The following LRRC39 variants were observed in gnomAD, a reference collection of about 807,000 sequenced individuals.
LRRC39 encodes the protein leucine-rich repeat-containing protein 39.
In LRRC39, 35 loss-of-function variants were observed where a neutral mutation model predicts 39.7. The observed-to-expected ratio is 0.88, with a 90% CI of 0.67 to 1.17. The LOEUF (loss-of-function observed/expected upper bound fraction) is 1.17. Among genes scored for constraint, LRRC39 ranks in the 50% most tolerant of loss-of-function variants. LRRC39 has a pLI of 0.00. For synonymous variants in LRRC39, 113 were observed against 134.1 expected, an observed-to-expected ratio of 0.84 and a Z score of 1.09; for missense variants, 357 against 385.8, an observed-to-expected ratio of 0.93 and a Z score of 0.62.
At chr1:100,178,304 A>G (rs1660086620), upstream of LRRC39, 1 of 152,248 alleles carries the variant, frequency 6.6e-6, no homozygotes, top group South Asian at 2.1e-4. Flanking sequence ...AATAGAAAGA[A>G]TCACATGAGG....
chr1:100,162,302 G>A (rs1234974212), intron 3 of LRRC39, among the ~76,000 whole-genome samples: 1 of 152,034 alleles, frequency 6.6e-6, no homozygotes, highest in Non-Finnish European at 1.5e-5. Context: ...CATTCCTGTT[G>A]ATTTTTGATC....
intron 7 of LRRC39, 88 bp from the exon 8 acceptor site, chr1:100,155,291 G>T (rs1190650578): frequency 2.5e-6 from 3 of 1,176,852 alleles, no homozygotes; most frequent in Non-Finnish European, 3.4e-6. Context: ...AGAGGTAGGG[G>T]TCTTATCATG....
chr1:100,154,062 C>CT (rs550683060), intron 8 of LRRC39, among the ~76,000 whole-genome samples: 57 of 143,148 alleles, frequency 4.0e-4, no homozygotes, highest in East Asian at 6.1e-4. Context: ...GAGGACATTT[C>CT]TTTTTTTTTT....
intron 3 of LRRC39, 86 bp from the exon 4 acceptor site, chr1:100,160,657 C>A: frequency 6.4e-6 from 7 of 1,101,404 alleles, no homozygotes; most frequent in Non-Finnish European, 7.9e-6. Context: ...GAGAGTTTCA[C>A]TCTTTTGCCC....
chr1:100,148,934 G>T lies in LRRC39; in HGVS notation c.*108C>A. Reference sequence around the variant, plus strand: ...GCAAATAATATGAACTTTAAAAAATGCTGTGGCCTCATTAAACTTTGGTAA... The same window carrying T: ...GCAAATAATATGAACTTTAAAAAATTCTGTGGCCTCATTAAACTTTGGTAA... On this transcript the variant is annotated 3_prime_UTR_variant, in exon 10 of 10. Coordinates refer to ENST00000370137, the MANE Select transcript of LRRC39 (RefSeq NM_144620.4). 5 of 1,174,190 alleles carry T rather than the reference G, an allele frequency of 4.3e-6. No individual in the cohort carries two copies. The highest frequency in any genetic ancestry group is 5.7e-6 in the Non-Finnish European group (5 of 873,846). 72.7% of individuals were successfully genotyped at this position (1,174,190 alleles called of 1,614,324 possible).
intron 1 of LRRC39, 125 bp from the exon 2 acceptor site, chr1:100,173,495 A>G (rs1265778462): frequency 6.6e-6 from 1 of 152,306 alleles, no homozygotes; most frequent in East Asian, 1.9e-4. Context: ...CTAACCAAGT[A>G]TGTCTAATAA....
intron 6 of LRRC39, 63 bp downstream of exon 6, chr1:100,158,168 C>A: frequency 6.5e-7 from 1 of 1,526,874 alleles, no homozygotes; most frequent in Non-Finnish European, 9.0e-7. Context: ...TTAACAACCA[C>A]ACATTGAGTG....
At chr1:100,169,519 A>C (rs2101792825) in intron 2 of LRRC39, among the ~76,000 whole-genome samples, 1 of 152,230 alleles carries the variant, frequency 6.6e-6, no homozygotes, top group Admixed American at 6.5e-5. Context: ...AGTTATTCGC[A>C]GTGTTTTTCA....
intron 3 of LRRC39, among the ~76,000 whole-genome samples, chr1:100,164,232 TTC>T (rs1659082624): frequency 6.6e-6 from 1 of 152,316 alleles, no homozygotes; most frequent in Non-Finnish European, 1.5e-5. Flanking sequence ...TAGGCTTTTT[TTC>T]TTTCATTTTT....
At chr1:100,162,996 C>T (rs1305928246) in intron 3 of LRRC39, among the ~76,000 whole-genome samples, 1 of 152,148 alleles carries the variant, frequency 6.6e-6, no homozygotes, top group Non-Finnish European at 1.5e-5. Flanking sequence ...AAATACCTCT[C>T]TTAGTATCTG....
At chr1:100,164,149 C>T (rs886229509) in intron 3 of LRRC39, among the ~76,000 whole-genome samples, 9 of 152,218 alleles carry the variant, frequency 5.9e-5, no homozygotes, top group African/African-American at 9.6e-5. Context: ...CCACACCAAT[C>T]GTTACCTAAG....
At chr1:100,154,968 TTAA>T in intron 8 of LRRC39, 80 bp downstream of exon 8, 2 of 1,259,640 alleles carry the variant, frequency 1.6e-6, no homozygotes, top group Non-Finnish European at 2.1e-6. Context: ...CTGAAATTTA[TTAA>T]TAACAATCTC....
chr1:100,179,337 T>C (rs926739688), upstream of LRRC39, among the ~76,000 whole-genome samples: 1 of 149,192 alleles, frequency 6.7e-6, no homozygotes, highest in Non-Finnish European at 1.5e-5. Flanking sequence ...GTCCCGAGAG[T>C]GTACACCACC....
intron 6 of LRRC39, among the ~76,000 whole-genome samples, chr1:100,157,122 A>T (rs1658516856): frequency 1.3e-5 from 2 of 152,182 alleles, no homozygotes; most frequent in Admixed American, 1.3e-4. Flanking sequence ...TATCCATATG[A>T]TTATCATTTT....
intron 1 of LRRC39, among the ~76,000 whole-genome samples, chr1:100,175,264 A>T (rs979593290): frequency 4.0e-5 from 6 of 151,462 alleles, no homozygotes; most frequent in African/African-American, 1.5e-4. Flanking sequence ...TGGCACAATC[A>T]TGGCTTATAG....
upstream of LRRC39, among the ~76,000 whole-genome samples, chr1:100,178,701 C>A (rs905184718): frequency 1.3e-5 from 2 of 152,192 alleles, no homozygotes; most frequent in Non-Finnish European, 2.9e-5. Flanking sequence ...TCACTTTGAT[C>A]TCTTCAGCTT....
chr1:100,172,909 GAGATC>G (rs1396894758), intron 2 of LRRC39, among the ~76,000 whole-genome samples: 1 of 150,086 alleles, frequency 6.7e-6, no homozygotes, highest in Non-Finnish European at 1.5e-5. Flanking sequence ...GCAGTGAGCT[GAGATC>G]ATGCCACTGC....
intron 3 of LRRC39, among the ~76,000 whole-genome samples, chr1:100,162,493 G>T (rs747038139): frequency 6.6e-6 from 1 of 152,006 alleles, no homozygotes; most frequent in Non-Finnish European, 1.5e-5. Context: ...ACAAAAATTA[G>T]CTGGGTGTGG....
At chr1:100,152,955 G>T (rs778967009) in intron 8 of LRRC39, among the ~76,000 whole-genome samples, 6 of 152,132 alleles carry the variant, frequency 3.9e-5, no homozygotes, top group Non-Finnish European at 8.8e-5. Flanking sequence ...TCAAACTCCT[G>T]GCCTCAAGTG....
Sources: gnomAD v4.1 joint callset for allele counts (sites outside exome capture counted in the v4.1 genomes callset) on GRCh38, gnomAD v4.1.1 for gene constraint, MANE v1.5 for transcripts, NCBI Gene and HGNC (gene_info 2026-07-23, HGNC 2026-07-21) for gene names.